Variants in GALNT13 observed in about 807,000 individuals in gnomAD.
GALNT13 encodes polypeptide N-acetylgalactosaminyltransferase 13.
GALNT13 carries 28 observed loss-of-function variants against 64.2 expected under a neutral mutation model. That is an observed-to-expected ratio of 0.44 (90% CI 0.32 to 0.60). The LOEUF (loss-of-function observed/expected upper bound fraction) is 0.60, where lower values mean the gene tolerates loss of function less well. Among genes scored for constraint, GALNT13 ranks in the 20% least tolerant of loss-of-function variants. The pLI, the probability that GALNT13 is intolerant of heterozygous loss-of-function variation, is 0.05. For missense variants in GALNT13, 577 were observed against 669.8 expected (o/e 0.86, Z 1.53); for synonymous variants, 214 against 224.6 (o/e 0.95, Z 0.42).
At chr2:153,227,323 G>A in the GALNT13 span, among the ~76,000 whole-genome samples, 34 of 152,284 alleles carry the variant, frequency 2.2e-4, no homozygotes, top group South Asian at 7.0e-3. Context: ...GTGCTGGCTG[G>A]AAATTTGTAG....
the GALNT13 span, among the ~76,000 whole-genome samples, chr2:153,570,905 C>T: frequency 0.59 from 89,287 of 151,506 alleles, 26,969 homozygotes; most frequent in Non-Finnish European, 0.67. Flanking sequence ...CCTCCAGTTT[C>T]GTTTTTTGCT....
At chr2:153,220,525 C>G in the GALNT13 span, among the ~76,000 whole-genome samples, 1 of 152,182 alleles carries the variant, frequency 6.6e-6, no homozygotes, top group Non-Finnish European at 1.5e-5. Context: ...CTGGCAGGCA[C>G]TGTGCATGTG....
At chr2:153,670,300 A>G in the GALNT13 span, among the ~76,000 whole-genome samples, 1 of 152,168 alleles carries the variant, frequency 6.6e-6, no homozygotes, top group Admixed American at 6.5e-5. Flanking sequence ...AGGGGCTGAC[A>G]GACATTTCAT....
chr2:153,205,879 A>G, the GALNT13 span, among the ~76,000 whole-genome samples: 3 of 152,126 alleles, frequency 2.0e-5, no homozygotes, highest in Admixed American at 2.0e-4. Flanking sequence ...GCCAGACTAA[A>G]TTATTATTAA....
the GALNT13 span, among the ~76,000 whole-genome samples, chr2:153,674,897 G>C: frequency 6.6e-6 from 1 of 152,042 alleles, no homozygotes; most frequent in African/African-American, 2.4e-5. Flanking sequence ...GATATGAACA[G>C]ACACTTCTCA....
chr2:154,233,821 G>C (rs1407821634), intron 4 of GALNT13, among the ~76,000 whole-genome samples: 1 of 152,118 alleles, frequency 6.6e-6, no homozygotes, highest in Non-Finnish European at 1.5e-5. Flanking sequence ...TGCTTAGTAG[G>C]AGGGGGTGCA....
At chr2:153,552,999 A>C in the GALNT13 span, among the ~76,000 whole-genome samples, 1 of 152,234 alleles carries the variant, frequency 6.6e-6, no homozygotes, top group African/African-American at 2.4e-5. Flanking sequence ...TTCCTAACAG[A>C]CCACAGACTG....
rs781732902 is a variant in GALNT13, at chr2:154,245,818, G to A, written c.693G>A (p.Thr231=). 1.9e-6 allele frequency: 3 copies of A among 1,587,734 alleles called. No individual in the cohort carries two copies. The highest frequency in any genetic ancestry group is 1.3e-5 in the African/African-American group (1 of 74,354). ...LLARIKEDRK[T]VVCPIIDVIS... is the part of the protein sequence containing the mutation. ...GGTTTTAATTTCTCTGCAGGAAAACGGTTGTCTGCCCTATCATTGATGTGA... is the reference window on the plus strand; with the variant it reads ...GGTTTTAATTTCTCTGCAGGAAAACAGTTGTCTGCCCTATCATTGATGTGA... The change falls in exon 7 of 13, where the codon ACG becomes ACA. Residue 231 remains threonine, a synonymous_variant. Coordinates refer to ENST00000392825, the MANE Select transcript of GALNT13 (RefSeq NM_052917.4).
At chr2:153,814,018 G>T in the GALNT13 span, among the ~76,000 whole-genome samples, 1 of 152,182 alleles carries the variant, frequency 6.6e-6, no homozygotes, top group Admixed American at 6.5e-5. Flanking sequence ...TCTATCTTCA[G>T]CATGGGAATC....
chr2:153,386,822 T>C, the GALNT13 span, among the ~76,000 whole-genome samples: 2 of 152,106 alleles, frequency 1.3e-5, no homozygotes, highest in Non-Finnish European at 2.9e-5. Flanking sequence ...GATCCAGTCC[T>C]CTGAACAACT....
At chr2:153,867,868 A>G (rs1449780709), upstream of GALNT13, among the ~76,000 whole-genome samples, 3 of 152,142 alleles carry the variant, frequency 2.0e-5, no homozygotes, top group Non-Finnish European at 4.4e-5. Context: ...GGTGGAGCTC[A>G]GGCAGTAATG....
At chr2:153,958,938 C>T (rs976360451) in intron 3 of GALNT13, among the ~76,000 whole-genome samples, 1 of 152,234 alleles carries the variant, frequency 6.6e-6, no homozygotes, top group Non-Finnish European at 1.5e-5. Context: ...CACTTGTCTA[C>T]TGCTGTAAGT....
the GALNT13 span, among the ~76,000 whole-genome samples, chr2:153,406,524 C>T: frequency 0.031 from 4,726 of 152,126 alleles, 98 homozygotes; most frequent in Middle Eastern, 0.065. Flanking sequence ...TCTCGTGCCT[C>T]AGTCACCTGA....
intron 4 of GALNT13, among the ~76,000 whole-genome samples, chr2:154,222,993 C>T (rs78223271): frequency 0.02 from 2,970 of 152,120 alleles, 84 homozygotes; most frequent in African/African-American, 0.06. Flanking sequence ...GTTCAGAGTT[C>T]ACGTGTAGCA....
rs146684814 is a variant in GALNT13, at chr2:154,228,076, T to G, written c.312-13954T>G. On this transcript the variant is annotated intron_variant, in intron 4 of 12. Transcript: ENST00000392825. ...GCTGGCTGAAGATTCATTTGATGAA[T>G]CCAATTTTTCTGAAATAGATGATTC... is the stretch of plus-strand genomic sequence containing the variant. 2.0e-5 allele frequency among the ~76,000 whole-genome samples: 3 copies of G among 152,228 alleles called. No individual in the cohort carries two copies. In the East Asian group the frequency reaches 5.8e-4, roughly 29 times the overall value.
the GALNT13 span, among the ~76,000 whole-genome samples, chr2:153,469,610 T>A: frequency 6.6e-6 from 1 of 152,054 alleles, no homozygotes; most frequent in Non-Finnish European, 1.5e-5. Flanking sequence ...TGAGGAGCAA[T>A]TTAAAAACAG....
the GALNT13 span, among the ~76,000 whole-genome samples, chr2:153,338,513 A>G: frequency 6.6e-6 from 1 of 152,180 alleles, no homozygotes; most frequent in African/African-American, 2.4e-5. Flanking sequence ...TAGAAATGAT[A>G]TATACTTATG....
the GALNT13 span, among the ~76,000 whole-genome samples, chr2:153,729,991 T>A: frequency 6.6e-6 from 1 of 151,876 alleles, no homozygotes; most frequent in Non-Finnish European, 1.5e-5. Flanking sequence ...GGAGAATCAA[T>A]ATTGTTAAAA....
the GALNT13 span, among the ~76,000 whole-genome samples, chr2:153,693,544 A>T: frequency 2.0e-5 from 3 of 151,952 alleles, no homozygotes; most frequent in African/African-American, 7.3e-5. Context: ...TAAGAATGTG[A>T]CTCGGGGGAA....
Sources: gnomAD v4.1 joint callset for allele counts (sites outside exome capture counted in the v4.1 genomes callset) on GRCh38, gnomAD v4.1.1 for gene constraint, MANE v1.5 for transcripts, NCBI Gene and HGNC (gene_info 2026-07-23, HGNC 2026-07-21) for gene names.